MYO1B: variants seen among roughly 807,000 people sequenced by gnomAD.
MYO1B encodes unconventional myosin-Ib.
In MYO1B, 72 loss-of-function variants were observed where a neutral mutation model predicts 159.7. The ratio of observed to expected loss-of-function variants is 0.45; its 90% CI spans 0.37 to 0.55. MYO1B has a LOEUF of 0.55. Among genes scored for constraint, MYO1B ranks in the 20% least tolerant of loss-of-function variants. MYO1B has a pLI of 0.00. For synonymous variants in MYO1B, 468 were observed against 473.8 expected (o/e 0.99, Z 0.16); for missense variants, 1,062 against 1,364.8 (o/e 0.78, Z 3.50).
chr2:191,374,256 C>G (rs528419366), intron 13 of MYO1B, among the ~76,000 whole-genome samples: 1 of 152,172 alleles, frequency 6.6e-6, no homozygotes, highest in Non-Finnish European at 1.5e-5. Context: ...AGATCCACAT[C>G]AAGGCAAAAA....
intron 10 of MYO1B, 73 bp from the exon 11 acceptor site, chr2:191,364,085 C>A: frequency 7.5e-7 from 1 of 1,340,062 alleles, no homozygotes; most frequent in Non-Finnish European, 1.1e-6. Context: ...GAAAGAACAT[C>A]CTAAGCCTTC....
chr2:191,268,393 A>G (rs1489626476), intron 1 of MYO1B, among the ~76,000 whole-genome samples: 1 of 152,178 alleles, frequency 6.6e-6, no homozygotes, highest in African/African-American at 2.4e-5. Flanking sequence ...CATCTAAACC[A>G]AATTACTTTC....
At chr2:191,398,535 T>G (rs548905347) in intron 21 of MYO1B, among the ~76,000 whole-genome samples, 32 of 140,346 alleles carry the variant, frequency 2.3e-4, no homozygotes, top group African/African-American at 8.4e-4. Context: ...GGCAGAGGGT[T>G]TCCTCACTTC....
At chr2:191,258,559 C>T (rs1031848992) in intron 1 of MYO1B, among the ~76,000 whole-genome samples, 2 of 152,194 alleles carry the variant, frequency 1.3e-5, no homozygotes, top group African/African-American at 2.4e-5. Flanking sequence ...GCATTTTAAA[C>T]TTATGGGACC....
At chr2:191,398,306 C>T (rs1301875127) in intron 21 of MYO1B, among the ~76,000 whole-genome samples, 1 of 120,192 alleles carries the variant, frequency 8.3e-6, no homozygotes, top group Non-Finnish European at 1.9e-5. Flanking sequence ...GACCCCCCAC[C>T]TCCCTCCTGG....
chr2:191,329,809 TAA>T, intron 3 of MYO1B, 124 bp from the exon 4 acceptor site: 1 of 649,574 alleles, frequency 1.5e-6, no homozygotes, highest in South Asian at 2.4e-5. Context: ...TCAAAGGAAA[TAA>T]AAGGTGATAG....
Position 191,396,449 on chromosome 2 carries a change from G to A in MYO1B, c.2247G>A (p.Gln749=). The A allele has an allele frequency of 6.2e-7, 1 of 1,614,168 alleles. No individual in the cohort carries two copies. Residue 749 remains glutamine (Q), a synonymous_variant, in exon 21 of 31, where the codon CAG becomes CAA. Coordinates refer to ENST00000392318, the MANE Select transcript of MYO1B (RefSeq NM_001130158.3). ...RRYAQQKRYQ[Q]TKSSALVIQS... Reference sequence around the variant, plus strand: ...TACAGCAACAAAAGAGGTACCAGCAGACAAAGAGTTCCGCCTTAGTAATTC... The same window carrying A: ...TACAGCAACAAAAGAGGTACCAGCAAACAAAGAGTTCCGCCTTAGTAATTC...
chr2:191,247,864 A>T (rs1685880749), intron 1 of MYO1B: 1 of 932,922 alleles, frequency 1.1e-6, no homozygotes, highest in African/African-American at 1.8e-5. Context: ...TTGTGTGATA[A>T]GGCTGGCAAC....
At chr2:191,398,426 C>CA (rs746803229) in intron 21 of MYO1B, among the ~76,000 whole-genome samples, 1 of 113,066 alleles carries the variant, frequency 8.8e-6, no homozygotes, top group African/African-American at 2.9e-5. Context: ...GGGGCTGACC[C>CA]CCCCCCACCT....
In MYO1B at chr2:191,381,827, G is replaced by C. The variant is rs574419219; in HGVS notation, c.1290+261G>C. On this transcript the variant is annotated intron_variant, in intron 14 of 30. Coordinates refer to ENST00000392318, the MANE Select transcript of MYO1B (RefSeq NM_001130158.3). ...TTGGGGACTGATAATGGTGGTGGTTGCTTGACATTATACATTTGCCAAAAC... is the reference window on the plus strand; with the variant it reads ...TTGGGGACTGATAATGGTGGTGGTTCCTTGACATTATACATTTGCCAAAAC... Among the ~76,000 whole-genome samples the C allele has an allele frequency of 9.2e-5, 14 of 152,282 alleles. No homozygotes were observed. In the East Asian group the frequency reaches 2.7e-3, roughly 29 times the overall value.
intron 15 of MYO1B, 101 bp downstream of exon 15, chr2:191,383,443 GTT>G (rs200389825): frequency 0.2 from 15,203 of 74,880 alleles, 1,498 homozygotes; most frequent in African/African-American, 0.24. Flanking sequence ...TATTTTCACT[GTT>G]TTTTATATAT....
rs565599089 is a variant in MYO1B at position 191,252,148 on chromosome 2, G to A, written c.-10+6522G>A. The stretch of plus-strand genomic sequence containing the variant: ...GGGCCTATGCCAATTTGCATGGCTT[G>A]TTATTTTTGTGATCCTCATATTATC... On this transcript the variant is annotated intron_variant, in intron 1 of 30. Transcript: ENST00000392318. Among the ~76,000 whole-genome samples the A allele has an allele frequency of 1.4e-4, 22 of 152,336 alleles. No individual in the cohort carries two copies. In the South Asian group the frequency reaches 4.6e-3, roughly 32 times the overall value.
chr2:191,336,418 C>A (rs1267420347), intron 4 of MYO1B, among the ~76,000 whole-genome samples: 1 of 152,124 alleles, frequency 6.6e-6, no homozygotes, highest in East Asian at 1.9e-4. Flanking sequence ...GAAGTCAAGG[C>A]CAAAATGTAG....
At chr2:191,377,168 G>C (rs919136551) in intron 13 of MYO1B, among the ~76,000 whole-genome samples, 8 of 152,104 alleles carry the variant, frequency 5.3e-5, no homozygotes, top group African/African-American at 1.4e-4. Context: ...CCAATCTATA[G>C]TTGGTAACTA....
intron 1 of MYO1B, among the ~76,000 whole-genome samples, chr2:191,246,670 G>A (rs1685813157): frequency 6.6e-6 from 1 of 151,994 alleles, no homozygotes; most frequent in Admixed American, 6.5e-5. Context: ...GAATGGGTAG[G>A]AGACAAATTT....
intron 1 of MYO1B, among the ~76,000 whole-genome samples, chr2:191,256,129 G>T (rs1016351781): frequency 2.0e-5 from 3 of 152,176 alleles, no homozygotes; most frequent in African/African-American, 4.8e-5. Flanking sequence ...GCATTGCTCT[G>T]GGGCAGGCAT....
At position 191,387,204 on chromosome 2, in the gene MYO1B, G is replaced by A. The variant is rs781379778; in HGVS notation, c.1555-20G>A. The A allele has an allele frequency of 6.2e-7, 1 of 1,602,908 alleles. No individual in the cohort carries two copies. Among genetic ancestry groups the A allele is most frequent in the South Asian group, 1.1e-5 (1 of 90,442 alleles). On this transcript the variant is annotated intron_variant, in intron 16 of 30. Coordinates refer to ENST00000392318, the MANE Select transcript of MYO1B (RefSeq NM_001130158.3). ...TAGCATGCAATGTGCCTGTCATTGA[G>A]TTACATGTGCTGCTTATAGGTGCTG...
intron 2 of MYO1B, among the ~76,000 whole-genome samples, chr2:191,280,155 A>G (rs913509353): frequency 1.3e-5 from 2 of 152,272 alleles, no homozygotes; most frequent in African/African-American, 2.4e-5. Context: ...CACAACCCCT[A>G]GTGATCCTCT....
intron 7 of MYO1B, chr2:191,350,462 A>G: frequency 3.3e-6 from 1 of 298,684 alleles, no homozygotes; most frequent in Non-Finnish European, 6.1e-6. Flanking sequence ...TGCTAAATAA[A>G]TATTTGCGCT....
Sources: gnomAD v4.1 joint callset for allele counts (sites outside exome capture counted in the v4.1 genomes callset) on GRCh38, gnomAD v4.1.1 for gene constraint, MANE v1.5 for transcripts, NCBI Gene and HGNC (gene_info 2026-07-23, HGNC 2026-07-21) for gene names.